Variants in COQ8B observed in about 807,000 individuals in gnomAD.
COQ8B encodes atypical kinase COQ8B, mitochondrial.
Under a neutral mutation model 62.0 loss-of-function variants are expected in COQ8B, and 44 were observed. The ratio of observed to expected loss-of-function variants is 0.71; its 90% CI spans 0.56 to 0.91. The LOEUF is 0.91. COQ8B is among the 40% of genes least tolerant of loss of function. The pLI, the probability that COQ8B is intolerant of heterozygous loss-of-function variation, is 0.00. For synonymous variants in COQ8B, 252 were observed against 289.9 expected, an observed-to-expected ratio of 0.87 and a Z score of 1.33; for missense variants, 649 against 731.6, an observed-to-expected ratio of 0.89 and a Z score of 1.30.
At chr19:40,711,858 A>G (rs981410533) in intron 4 of COQ8B, among the ~76,000 whole-genome samples, 4 of 152,192 alleles carry the variant, frequency 2.6e-5, no homozygotes, top group African/African-American at 9.7e-5. Flanking sequence ...ATTTTACAGA[A>G]AAGGAAATTG....
chr19:40,705,185 G>A lies in COQ8B; in HGVS notation c.491-4C>T. 6.2e-7 allele frequency: 1 copy of A among 1,612,926 alleles called. No homozygotes were observed. The highest frequency in any genetic ancestry group is 8.5e-7 in the Non-Finnish European group (1 of 1,179,428). Reference sequence around the variant, plus strand: ...TGAGGGCTGATGAAGCTGTTGTCTTGGGAGACAGTGGAACCAGGGGGGAAG... The same window carrying A: ...TGAGGGCTGATGAAGCTGTTGTCTTAGGAGACAGTGGAACCAGGGGGGAAG... On this transcript the variant is annotated splice_region_variant and splice_polypyrimidine_tract_variant and intron_variant, in intron 6 of 14. Coordinates refer to ENST00000324464, the MANE Select transcript of COQ8B (RefSeq NM_024876.4).
chr19:40,697,875 G>GGGAGAGAGAC lies in COQ8B; in HGVS notation c.1144-1822_1144-1821insGTCTCTCTCC, dbSNP rs66466332. ...ATAGAGAGAGAGAGAGAGAGAGAGA[G>GGGAGAGAGAC]AGTTTCTACTGGGCGTTCATGCAAA... On this transcript the variant is annotated intron_variant, in intron 12 of 14. Transcript: ENST00000324464. Among the ~76,000 whole-genome samples the GGGAGAGAGAC allele has an allele frequency of 2.7e-3, 276 of 103,462 alleles. 1 individual carries two copies. Among genetic ancestry groups the GGGAGAGAGAC allele is most frequent in the African/African-American group, 0.011 (264 of 23,650 alleles). 67.9% of individuals were successfully genotyped at this position (103,462 alleles called of 152,430 possible).
At chr19:40,703,688 C>T (rs1490598427) in intron 8 of COQ8B, 27 bp downstream of exon 8, 2 of 1,613,942 alleles carry the variant, frequency 1.2e-6, no homozygotes, top group Admixed American at 3.3e-5. Flanking sequence ...GGTGCCCGCC[C>T]CTACCCTGCC....
At position 40,714,146 on chromosome 19, in the gene COQ8B, G is replaced by T. The variant is rs1341428686; in HGVS notation, c.223-13C>A. 3 of 1,614,154 alleles carry T rather than the reference G, an allele frequency of 1.9e-6. No individual in the cohort carries two copies. The highest frequency in any genetic ancestry group is 1.7e-6 in the Non-Finnish European group (2 of 1,180,022). ...AGCGGTCACTCAGCTGGGAAATGGG[G>T]ACAAGGTCTGAGGGTGGGAAAGTGG... On this transcript the variant is annotated splice_polypyrimidine_tract_variant and intron_variant, in intron 3 of 14. Transcript: ENST00000324464.
intron 7 of COQ8B, chr19:40,704,064 C>T (rs1180481310): frequency 3.4e-6 from 2 of 592,810 alleles, no homozygotes; most frequent in South Asian, 2.3e-5. Flanking sequence ...CTGTGAGGCT[C>T]AGCCTAGCCT....
intron 12 of COQ8B, among the ~76,000 whole-genome samples, 163 bp from the exon 13 acceptor site, chr19:40,696,217 A>C (rs1203522441): frequency 6.6e-6 from 1 of 151,876 alleles, no homozygotes; most frequent in African/African-American, 2.4e-5. Flanking sequence ...CCCGTTTCCA[A>C]CCGACCCCCT....
At chr19:40,714,182 CAG>C (rs1255780081) in intron 3 of COQ8B, 49 bp from the exon 4 acceptor site, 2 of 1,612,298 alleles carry the variant, frequency 1.2e-6, no homozygotes, top group Non-Finnish European at 1.7e-6. Flanking sequence ...GCATCGTGGC[CAG>C]AGAGTGCAGC....
chr19:40,714,616 C>G lies in COQ8B; in HGVS notation c.17G>C (p.Gly6Ala). The change falls in exon 2 of 15, where the codon GGG (glycine) becomes GCG (alanine). Residue 6 changes from glycine (G) to alanine (A), a missense_variant. Gly to Ala is a moderately conservative substitution (Grantham distance 60, BLOSUM62 0). Coordinates refer to ENST00000324464, the MANE Select transcript of COQ8B (RefSeq NM_024876.4). The stretch of plus-strand genomic sequence containing the variant: ...TCCACCGGTCCCCCGAAGTAGGCCC[C>G]CCACCTTCAGCCACATTGCCTGGAG... MWLKVGGLLRGTGGQL... is the reference protein window; with the variant it reads MWLKVAGLLRGTGGQL... 1 of 1,609,462 alleles carries G rather than the reference C, an allele frequency of 6.2e-7. No individual in the cohort carries two copies. The highest frequency in any genetic ancestry group is 1.3e-5 in the African/African-American group (1 of 74,752).
rs553042939 is a variant in COQ8B, at chr19:40,701,758, G to C, written c.893+842C>G. Among the ~76,000 whole-genome samples the C allele has an allele frequency of 2.0e-5, 3 of 152,282 alleles. No homozygotes were observed. The South Asian group carries it at 6.2e-4, about 32-fold the overall frequency. ...ACCCAGGATTTCATCCCGCATCTGAGTCTAGGGTGTGTGCCTCTAACCACT... is the reference window on the plus strand; with the variant it reads ...ACCCAGGATTTCATCCCGCATCTGACTCTAGGGTGTGTGCCTCTAACCACT... On this transcript the variant is annotated intron_variant, in intron 10 of 14. Transcript: ENST00000324464.
At position 40,707,574 on chromosome 19, in the gene COQ8B, C is replaced by A. The variant is rs374267312; in HGVS notation, c.368-2127G>T. Among the ~76,000 whole-genome samples the A allele has an allele frequency of 7.2e-5, 11 of 152,248 alleles. No individual in the cohort carries two copies. In the East Asian group the frequency reaches 7.7e-4, roughly 11 times the overall value. ...CAAGCAATTCTCCTGCCTTACCCCC[C>A]ACCCAAGTAGCTGGGGTTACAGGCA... On this transcript the variant is annotated intron_variant, in intron 5 of 14. Coordinates refer to ENST00000324464, the MANE Select transcript of COQ8B (RefSeq NM_024876.4).
At chr19:40,715,427 ACCC>A (rs1458035758) in intron 1 of COQ8B, 2 of 984,574 alleles carry the variant, frequency 2.0e-6, no homozygotes, top group East Asian at 1.1e-4. Context: ...TATCTTGCCA[ACCC>A]CCCTTCTTAT....
rs755502796 is a variant in COQ8B at position 40,702,733 on chromosome 19, G to A, written c.800-40C>T. The A allele has an allele frequency of 3.4e-5, 54 of 1,581,102 alleles. 1 individual carries two copies. The Middle Eastern group carries it at 6.8e-4, about 20-fold the overall frequency. On this transcript the variant is annotated intron_variant, in intron 9 of 14. Coordinates refer to ENST00000324464, the MANE Select transcript of COQ8B (RefSeq NM_024876.4). ...TGTCAGCCAGGGAAGGGCCCCGAGCGCCCACTGGTGGATGCCTTCTCCTGC... is the reference window on the plus strand; with the variant it reads ...TGTCAGCCAGGGAAGGGCCCCGAGCACCCACTGGTGGATGCCTTCTCCTGC...
intron 13 of COQ8B, among the ~76,000 whole-genome samples, chr19:40,694,414 G>A (rs964672072): frequency 2.0e-5 from 3 of 152,198 alleles, no homozygotes; most frequent in East Asian, 1.9e-4. Flanking sequence ...GATACAGTAC[G>A]AGCTGTAGAG....
intron 1 of COQ8B, chr19:40,715,629 G>GCACAC: frequency 1.0e-6 from 1 of 984,092 alleles, no homozygotes; most frequent in Non-Finnish European, 1.2e-6. Context: ...CAACTCTCTC[G>GCACAC]TGTACATACC....
chr19:40,715,294 G>A, intron 1 of COQ8B: 1 of 985,992 alleles, frequency 1.0e-6, no homozygotes, highest in South Asian at 4.7e-5. Context: ...TCGCGGGAGC[G>A]CAAGCGTGCC....
At chr19:40,710,790 GT>G (rs2082134852) in intron 4 of COQ8B, among the ~76,000 whole-genome samples, 1 of 152,116 alleles carries the variant, frequency 6.6e-6, no homozygotes, top group African/African-American at 2.4e-5. Context: ...GGGAATTTGT[GT>G]TTTGTTAAAA....
At chr19:40,706,332 C>A (rs1204796708) in intron 5 of COQ8B, among the ~76,000 whole-genome samples, 1 of 152,178 alleles carries the variant, frequency 6.6e-6, no homozygotes, top group Non-Finnish European at 1.5e-5. Flanking sequence ...ATGTTATTTT[C>A]CCCTTTCTGC....
At chr19:40,693,953 C>G (rs1399968055) in intron 13 of COQ8B, among the ~76,000 whole-genome samples, 1 of 152,164 alleles carries the variant, frequency 6.6e-6, no homozygotes, top group Non-Finnish European at 1.5e-5. Context: ...CTCTGCTCCC[C>G]CTGCCCGAGC....
At chr19:40,697,090 A>AT (rs1015300818) in intron 12 of COQ8B, among the ~76,000 whole-genome samples, 7 of 150,588 alleles carry the variant, frequency 4.6e-5, no homozygotes, top group African/African-American at 1.7e-4. Flanking sequence ...AAATATGTTT[A>AT]TTAGTTATAA....
Sources: allele counts gnomAD v4.1 joint callset (sites outside exome capture counted in the v4.1 genomes callset), GRCh38; gene constraint gnomAD v4.1.1; transcripts MANE v1.5; gene names NCBI Gene and HGNC (gene_info 2026-07-23, HGNC 2026-07-21).